The following ECE1 variants were observed in gnomAD, a reference collection of about 807,000 sequenced individuals.
ECE1 encodes the protein endothelin-converting enzyme 1.
In ECE1, 35 loss-of-function variants were observed where a neutral mutation model predicts 98.6. That is an observed-to-expected ratio of 0.35 (90% CI 0.27 to 0.47). The LOEUF (loss-of-function observed/expected upper bound fraction) is 0.47, where lower values mean the gene tolerates loss of function less well. ECE1 is among the 20% of genes least tolerant of loss of function. ECE1 has a pLI of 1.00. For missense variants in ECE1, 814 were observed against 1,025.3 expected, an observed-to-expected ratio of 0.79 and a Z score of 2.81; for synonymous variants, 394 against 407.1, an observed-to-expected ratio of 0.97 and a Z score of 0.39.
Position 21,257,543 on chromosome 1 carries a change from G to A in ECE1, c.810C>T (p.Asn270=). The A allele has an allele frequency of 6.2e-7, 1 of 1,614,246 alleles. No homozygotes were observed. The highest frequency in any genetic ancestry group is 2.2e-5 in the East Asian group (1 of 44,890). Residue 270 remains asparagine, a synonymous_variant, in exon 7 of 19, where the codon AAC becomes AAT. Transcript: ENST00000374893. ...LGLPSRDYYL[N]KTENEKVLTG... ...CGCTTACCTTCTCGTTTTCAGTTTT[G>A]TTCAGGTAATAGTCTCTCGAGGGCA...
At chr1:21,331,441 G>C (rs192441026) in intron 1 of ECE1, among the ~76,000 whole-genome samples, 1 of 152,160 alleles carries the variant, frequency 6.6e-6, no homozygotes, top group African/African-American at 2.4e-5. Flanking sequence ...ACTTAGCCGG[G>C]TATGGTGGTG....
At position 21,247,231 on chromosome 1, in the gene ECE1, T is replaced by C; in HGVS notation, c.1153A>G (p.Thr385Ala). 1 of 1,613,996 alleles carries C rather than the reference T, an allele frequency of 6.2e-7. No individual in the cohort carries two copies. The highest frequency in any genetic ancestry group is 1.7e-5 in the Admixed American group (1 of 60,010). ...TGGGGGTCCTCTTACCATCTGTCGG[T>C]GGTGTTGATGAGAGTGGAGATCTGC... ...LEQISTLINT[T>A]DRCLLNNYMI... The change falls in exon 9 of 19, where the codon ACC becomes GCC. Residue 385 changes from threonine to alanine, a missense_variant. Transcript: ENST00000374893.
chr1:21,226,128 G>A (rs2098173882), intron 16 of ECE1, among the ~76,000 whole-genome samples: 2 of 152,172 alleles, frequency 1.3e-5, no homozygotes, highest in African/African-American at 4.8e-5. Flanking sequence ...TCTCCGCCCG[G>A]GAGTGCCCAA....
At position 21,340,273 on chromosome 1, in the gene ECE1, T is replaced by C. The variant is rs2103420350; in HGVS notation, c.3+5103A>G. 6.6e-6 allele frequency among the ~76,000 whole-genome samples: 1 copy of C among 152,344 alleles called. No homozygotes were observed. The highest frequency in any genetic ancestry group is 2.4e-5 in the African/African-American group (1 of 41,592). ...CTGAAAGGATGAGGGGAAGGGTCAA[T>C]ACATTCAGGAGAAGGGGCTGTCTGG... is the stretch of plus-strand genomic sequence containing the variant. On this transcript the variant is annotated intron_variant, in intron 1 of 18. Transcript: ENST00000415912. The surrounding 1 kb of genome is among the most constrained non-coding windows in gnomAD (Gnocchi z 4.6).
Position 21,225,457 on chromosome 1 carries a change from G to A in ECE1, c.1850-17C>T, listed in dbSNP as rs375878116. ...ACTCCCGTCCTGTGGGTCAGAGGGA[G>A]GCGTCATGTCAAGGGAGGGAGGGGC... On this transcript the variant is annotated splice_polypyrimidine_tract_variant and intron_variant, in intron 16 of 18. Coordinates refer to ENST00000374893, the MANE Select transcript of ECE1 (RefSeq NM_001397.3). The surrounding 1 kb of genome is among the most constrained non-coding windows in gnomAD (Gnocchi z 5.3). 1.9e-4 allele frequency: 314 copies of A among 1,613,206 alleles called. No individual in the cohort carries two copies. The highest frequency in any genetic ancestry group is 2.5e-4 in the Non-Finnish European group (293 of 1,179,694).
At chr1:21,316,715 C>A (rs1447753417) in intron 1 of ECE1, among the ~76,000 whole-genome samples, 1 of 152,146 alleles carries the variant, frequency 6.6e-6, no homozygotes, top group African/African-American at 2.4e-5. Context: ...TCTATAGGAG[C>A]CTGGATAAAC....
chr1:21,314,498 T>C (rs1029442976), intron 1 of ECE1, among the ~76,000 whole-genome samples: 1 of 152,248 alleles, frequency 6.6e-6, no homozygotes, highest in Non-Finnish European at 1.5e-5. Flanking sequence ...GCCCCAGCCC[T>C]GGTGACAGGG....
intron 1 of ECE1, among the ~76,000 whole-genome samples, chr1:21,301,329 C>A (rs1156457589): frequency 6.6e-6 from 1 of 151,754 alleles, no homozygotes; most frequent in Non-Finnish European, 1.5e-5. Context: ...CCCGTCTCTA[C>A]TAAAAATACA....
intron 1 of ECE1, among the ~76,000 whole-genome samples, chr1:21,337,026 A>T (rs1025221824): frequency 5.3e-5 from 8 of 152,162 alleles, no homozygotes; most frequent in Admixed American, 1.3e-4. Context: ...AACAAGAGTG[A>T]AAGTCCATCT....
intron 15 of ECE1, 48 bp downstream of exon 15, chr1:21,227,883 C>T (rs1188806508): frequency 6.8e-7 from 1 of 1,478,886 alleles, no homozygotes; most frequent in Admixed American, 2.0e-5. Context: ...GGCCCCAGGG[C>T]TGGGCTGGGG....
chr1:21,273,207 G>A (rs2098242390), intron 3 of ECE1, among the ~76,000 whole-genome samples: 1 of 152,204 alleles, frequency 6.6e-6, no homozygotes, highest in Non-Finnish European at 1.5e-5. Flanking sequence ...ATTCCTTGAT[G>A]CTCAACAAAT....
rs2248794 is a variant in ECE1, at chr1:21,319,523, G to A, written c.3+25853C>T. On this transcript the variant is annotated intron_variant, in intron 1 of 18. Coordinates refer to the ECE1 transcript ENST00000415912. The surrounding 1 kb of genome is among the most constrained non-coding windows in gnomAD (Gnocchi z 4.4). Reference sequence around the variant, plus strand: ...CCACCAGGGCACCCCCGGCACCAAGGGCCAGACTCCCTCTGCTGCCCCCAA... The same window carrying A: ...CCACCAGGGCACCCCCGGCACCAAGAGCCAGACTCCCTCTGCTGCCCCCAA... Among the ~76,000 whole-genome samples the A allele has an allele frequency of 0.057, 8,620 of 152,002 alleles. 814 individuals are homozygous for A. The highest frequency in any genetic ancestry group is 0.19 in the African/African-American group (8,033 of 41,400).
intron 1 of ECE1, among the ~76,000 whole-genome samples, chr1:21,320,618 G>A (rs1569752264): frequency 6.6e-6 from 1 of 152,322 alleles, no homozygotes; most frequent in South Asian, 2.1e-4. Context: ...ACAGGGAACT[G>A]AGGCTCAGAG....
intron 8 of ECE1, among the ~76,000 whole-genome samples, chr1:21,249,300 G>A (rs548831701): frequency 7.9e-5 from 12 of 151,368 alleles, no homozygotes; most frequent in African/African-American, 1.7e-4. Context: ...CCAAGATCAC[G>A]CCACTGCACT....
intron 8 of ECE1, among the ~76,000 whole-genome samples, chr1:21,254,068 C>CAA (rs57691016): frequency 1.1e-3 from 106 of 98,764 alleles, no homozygotes; most frequent in South Asian, 1.0e-3. Flanking sequence ...GACTTTGTCT[C>CAA]AAAAAAAAAA....
At chr1:21,274,634 T>C (rs2098244365) in intron 3 of ECE1, among the ~76,000 whole-genome samples, 1 of 152,144 alleles carries the variant, frequency 6.6e-6, no homozygotes, top group African/African-American at 2.4e-5. Flanking sequence ...AGTGTTCCCC[T>C]CACTCAGGAA....
intron 4 of ECE1, among the ~76,000 whole-genome samples, chr1:21,269,922 T>C (rs1394276888): frequency 1.3e-5 from 2 of 152,184 alleles, no homozygotes; most frequent in African/African-American, 4.8e-5. Context: ...TTTTGGGTTG[T>C]TCCATGGCCC....
At position 21,218,264 on chromosome 1, in the gene ECE1, G is replaced by GT. The variant is rs1358990054; in HGVS notation, c.*1690dup. The GT allele has an allele frequency of 1.3e-5, 2 of 152,304 alleles. No individual in the cohort carries two copies. Among genetic ancestry groups the GT allele is most frequent in the East Asian group, 3.8e-4 (2 of 5,200 alleles). 9.4% of individuals were successfully genotyped at this position (152,304 alleles called of 1,614,324 possible). A position where few individuals can be genotyped will look rare whatever the true frequency, so the allele number is the denominator to read the frequency against. The stretch of plus-strand genomic sequence containing the variant: ...GGCCGACAATGGACTGCAGCCCAGG[G>GT]TAAGTCCAGCAGTTTTGCAGTCTTC... On this transcript the variant is annotated 3_prime_UTR_variant, in exon 19 of 19. Coordinates refer to ENST00000374893, the MANE Select transcript of ECE1 (RefSeq NM_001397.3). This position sits in a 1 kb window ranked among gnomAD's most constrained non-coding sequence, Gnocchi z 4.0.
At chr1:21,338,159 TG>T (rs1037174012) in intron 1 of ECE1, among the ~76,000 whole-genome samples, 1 of 152,194 alleles carries the variant, frequency 6.6e-6, no homozygotes, top group Non-Finnish European at 1.5e-5. Flanking sequence ...GCCAGGCAGC[TG>T]GGGGTGTGTG....
Sources: gnomAD v4.1 joint callset for allele counts (sites outside exome capture counted in the v4.1 genomes callset) on GRCh38, gnomAD v4.1.1 for gene constraint, Gnocchi (gnomAD v3.1) non-coding constraint, MANE v1.5 for transcripts, NCBI Gene and HGNC (gene_info 2026-07-23, HGNC 2026-07-21) for gene names.